Variants in FOXK1 observed in about 807,000 individuals in gnomAD.
The protein encoded by FOXK1 is forkhead box protein K1.
In FOXK1, 19 loss-of-function variants were observed where a neutral mutation model predicts 51.9. The ratio of observed to expected loss-of-function variants is 0.37; its 90% confidence interval spans 0.26 to 0.54. The LOEUF (loss-of-function observed/expected upper bound fraction) is 0.54, where lower values mean the gene tolerates loss of function less well. Among genes scored for constraint, FOXK1 ranks in the 20% least tolerant of loss-of-function variants. FOXK1 has a pLI of 0.87. For synonymous variants in FOXK1, 537 were observed against 482.6 expected (o/e 1.11, Z -1.48); for missense variants, 870 against 1,032.7 (o/e 0.84, Z 2.16).
chr7:4,694,087 A>G lies in FOXK1; in HGVS notation c.560+11219A>G, dbSNP rs576908166. Among the ~76,000 whole-genome samples the G allele has an allele frequency of 6.1e-5, 9 of 146,544 alleles. No homozygotes were observed. In the East Asian group the frequency reaches 1.5e-3, roughly 24 times the overall value. The stretch of plus-strand genomic sequence containing the variant: ...TTTTTATAGAGACCAGTGTCTCACT[A>G]TGTTGCCCAGGCTGGTCTTGAACTC... On this transcript the variant is annotated intron_variant, in intron 1 of 8. Transcript: ENST00000328914.
rs767741635 is a variant in FOXK1 at position 4,756,590 on chromosome 7, C to G, written c.1051-404C>G. Among the ~76,000 whole-genome samples the G allele has an allele frequency of 3.3e-5, 5 of 151,560 alleles. No individual in the cohort carries two copies. Among genetic ancestry groups the G allele is most frequent in the Non-Finnish European group, 5.9e-5 (4 of 67,860 alleles). On this transcript the variant is annotated intron_variant, in intron 4 of 8. Coordinates refer to ENST00000328914, the MANE Select transcript of FOXK1 (RefSeq NM_001037165.2). The surrounding 1 kb of genome is among the most constrained non-coding windows in gnomAD (Gnocchi z 4.1). ...TGGTTAAGCCCAAGAGTGTGAGACC[C>G]CATCTCAACTAAAAATACAAAAAAA...
At chr7:4,687,893 A>T (rs908848961) in intron 1 of FOXK1, among the ~76,000 whole-genome samples, 6 of 151,990 alleles carry the variant, frequency 3.9e-5, no homozygotes, top group African/African-American at 4.8e-5. Flanking sequence ...GTTACTTTTT[A>T]AAATTATTTT....
At chr7:4,697,348 G>A (rs1481974639) in intron 1 of FOXK1, among the ~76,000 whole-genome samples, 1 of 152,318 alleles carries the variant, frequency 6.6e-6, no homozygotes, top group Non-Finnish European at 1.5e-5. Flanking sequence ...CGGTATTCAC[G>A]GCCAACTTTT....
intron 1 of FOXK1, among the ~76,000 whole-genome samples, chr7:4,694,711 G>C (rs143741883): frequency 6.6e-6 from 1 of 152,166 alleles, no homozygotes; most frequent in Non-Finnish European, 1.5e-5. Context: ...AGGATGACCC[G>C]TGTGGGTCTC....
intron 1 of FOXK1, among the ~76,000 whole-genome samples, chr7:4,705,554 T>TCGCTCTCGCTCTCG (rs1554249287): frequency 9.1e-5 from 12 of 131,598 alleles, no homozygotes; most frequent in African/African-American, 3.8e-4. Flanking sequence ...TCTCTCTCTC[T>TCGCTCTCGCTCTCG]CTCTCGCTCT....
chr7:4,722,014 C>T lies in FOXK1; in HGVS notation c.561-18824C>T, dbSNP rs1295547812. On this transcript the variant is annotated intron_variant, in intron 1 of 8. Transcript: ENST00000328914. This position sits in a 1 kb window ranked among gnomAD's most constrained non-coding sequence, Gnocchi z 5.1. ...CCGTGTTACTTTCTCCCAAAGGAGG[C>T]AGCCGGGGTGAGACTGGTGACCCCG... Among the ~76,000 whole-genome samples, 1 of 152,240 alleles carries T rather than the reference C, an allele frequency of 6.6e-6. No individual in the cohort carries two copies. Among genetic ancestry groups the T allele is most frequent in the Non-Finnish European group, 1.5e-5 (1 of 68,046 alleles).
At position 4,736,733 on chromosome 7, in the gene FOXK1, G is replaced by A. The variant is rs185492419; in HGVS notation, c.561-4105G>A. On this transcript the variant is annotated intron_variant, in intron 1 of 8. Transcript: ENST00000328914. The stretch of plus-strand genomic sequence containing the variant: ...CCAGCCCATAATCAGGTTTTGAACT[G>A]GAAAGCACCTTTGAGATGGTGTCTT... 9.9e-5 allele frequency among the ~76,000 whole-genome samples: 15 copies of A among 152,282 alleles called. No homozygotes were observed. The East Asian group carries it at 2.7e-3, about 27-fold the overall frequency.
At chr7:4,738,273 C>G (rs993657999) in intron 1 of FOXK1, among the ~76,000 whole-genome samples, 1 of 150,356 alleles carries the variant, frequency 6.7e-6, no homozygotes, top group Non-Finnish European at 1.5e-5. Flanking sequence ...CCCATCTCTA[C>G]TAAAAATACA....
At chr7:4,721,564 TTTCTC>T (rs1464318129) in intron 1 of FOXK1, among the ~76,000 whole-genome samples, 4 of 151,536 alleles carry the variant, frequency 2.6e-5, no homozygotes, top group Non-Finnish European at 5.9e-5. Context: ...AAGAAGGACT[TTTCTC>T]TTTTCTTTTT....
chr7:4,746,849 G>C (rs1489501801), intron 2 of FOXK1, among the ~76,000 whole-genome samples: 1 of 152,220 alleles, frequency 6.6e-6, no homozygotes, highest in Non-Finnish European at 1.5e-5. Flanking sequence ...AATCCAGTGA[G>C]GGTCCCTCTT....
intron 2 of FOXK1, among the ~76,000 whole-genome samples, chr7:4,751,472 C>T (rs1780776951): frequency 6.6e-6 from 1 of 152,232 alleles, no homozygotes; most frequent in Non-Finnish European, 1.5e-5. Flanking sequence ...CCATCCCACC[C>T]TGGCTGGGCG....
chr7:4,725,373 G>A (rs745441998), intron 1 of FOXK1, among the ~76,000 whole-genome samples: 1 of 152,208 alleles, frequency 6.6e-6, no homozygotes, highest in Non-Finnish European at 1.5e-5. Context: ...AAGCGGTGGG[G>A]GTGATGTCAT....
intron 2 of FOXK1, among the ~76,000 whole-genome samples, chr7:4,741,567 A>G (rs1780634542): frequency 6.6e-6 from 1 of 152,178 alleles, no homozygotes; most frequent in African/African-American, 2.4e-5. Flanking sequence ...CCAACCTCAA[A>G]TGATCCACCC....
In FOXK1 at chr7:4,731,932, T is replaced by TG. The variant is rs2115055492; in HGVS notation, c.561-8904dup. Among the ~76,000 whole-genome samples the TG allele has an allele frequency of 6.6e-6, 1 of 152,310 alleles. No homozygotes were observed. The highest frequency in any genetic ancestry group is 6.5e-5 in the Admixed American group (1 of 15,306). ...CCGGTCAGGACTGATGTTCACGGCA[T>TG]GGAGACCTGAGGCCACACGGAGGCC... On this transcript the variant is annotated intron_variant, in intron 1 of 8. Transcript: ENST00000328914. The surrounding 1 kb of genome is among the most constrained non-coding windows in gnomAD (Gnocchi z 5.3).
intron 7 of FOXK1, chr7:4,760,042 A>AAC (rs398003488): frequency 5.8e-6 from 1 of 171,484 alleles, no homozygotes; most frequent in African/African-American, 2.4e-5. Flanking sequence ...AAAAAAAAAA[A>AAC]CCCATGAATC....
Position 4,715,068 on chromosome 7 carries a change from A to G in FOXK1, c.561-25770A>G, listed in dbSNP as rs1034647098. ...CTTGGGGCGTAGCTTTTCTGATCAG[A>G]TGAGTTTCACGGCTTTAGTACAGAA... On this transcript the variant is annotated intron_variant, in intron 1 of 8. Coordinates refer to ENST00000328914, the MANE Select transcript of FOXK1 (RefSeq NM_001037165.2). This position sits in a 1 kb window ranked among gnomAD's most constrained non-coding sequence, Gnocchi z 4.5. Among the ~76,000 whole-genome samples the G allele has an allele frequency of 3.9e-5, 6 of 152,126 alleles. No individual in the cohort carries two copies. The highest frequency in any genetic ancestry group is 5.9e-5 in the Non-Finnish European group (4 of 68,036).
chr7:4,688,835 GT>G lies in FOXK1; in HGVS notation c.560+5971del, dbSNP rs141739699. On this transcript the variant is annotated intron_variant, in intron 1 of 8. Transcript: ENST00000328914. ...CCCGGGGATTCCATCAGACTCAAGT[GT>G]TTTGTTTTGCTTTTTTGCCAGAACT... 4.5e-3 allele frequency among the ~76,000 whole-genome samples: 689 copies of G among 152,180 alleles called. 1 individual carries two copies. Among genetic ancestry groups the G allele is most frequent in the African/African-American group, 0.014 (561 of 41,516 alleles).
intron 1 of FOXK1, among the ~76,000 whole-genome samples, chr7:4,732,573 C>T (rs1043163412): frequency 2.0e-5 from 3 of 152,140 alleles, no homozygotes; most frequent in South Asian, 2.1e-4. Flanking sequence ...GGATTACAGG[C>T]GTGAACCACC....
rs547984678 is a variant in FOXK1, at chr7:4,723,581, G to A, written c.561-17257G>A. ...CCTCTACAAACACAGGTCCCTCCTC[G>A]CCGTGGTACAATCGCCACGGCACAG... On this transcript the variant is annotated intron_variant, in intron 1 of 8. Transcript: ENST00000328914. This position sits in a 1 kb window ranked among gnomAD's most constrained non-coding sequence, Gnocchi z 4.7. 5.3e-5 allele frequency among the ~76,000 whole-genome samples: 8 copies of A among 152,216 alleles called. No individual in the cohort carries two copies. Among genetic ancestry groups the A allele is most frequent in the African/African-American group, 1.4e-4 (6 of 41,540 alleles).
Sources: gnomAD v4.1 joint callset for allele counts (sites outside exome capture counted in the v4.1 genomes callset) on GRCh38, gnomAD v4.1.1 for gene constraint, Gnocchi (gnomAD v3.1) non-coding constraint, MANE v1.5 for transcripts, NCBI Gene and HGNC (gene_info 2026-07-23, HGNC 2026-07-21) for gene names.